The following EFCAB11 variants were observed in gnomAD, a reference collection of about 807,000 sequenced individuals.
The protein encoded by EFCAB11 is EF-hand calcium binding domain 11.
Under a neutral mutation model 23.0 loss-of-function variants are expected in EFCAB11, and 14 were observed. That is an observed-to-expected ratio of 0.61 (90% confidence interval 0.40 to 0.95). The LOEUF is 0.95. EFCAB11 is among the 40% of genes least tolerant of loss of function. The pLI, the probability that EFCAB11 is intolerant of heterozygous loss-of-function variation, is 0.00. For missense variants in EFCAB11, 198 were observed against 195.8 expected (o/e 1.01, Z -0.07); for synonymous variants, 65 against 66.6 (o/e 0.98, Z 0.11).
chr14:89,900,653 G>A (rs534974981), intron 5 of EFCAB11, among the ~76,000 whole-genome samples: 1 of 152,270 alleles, frequency 6.6e-6, no homozygotes, highest in East Asian at 1.9e-4. Flanking sequence ...ATGTGGTACT[G>A]ACTTCTACAA....
intron 2 of EFCAB11, 106 bp from the exon 3 acceptor site, chr14:89,950,248 A>G (rs1891121983): frequency 8.2e-7 from 1 of 1,226,990 alleles, no homozygotes; most frequent in East Asian, 2.8e-5. Context: ...TGAGAAACCA[A>G]GTCTGTTGAA....
chr14:89,897,370 A>G (rs1459582262), intron 5 of EFCAB11, among the ~76,000 whole-genome samples: 1 of 151,912 alleles, frequency 6.6e-6, no homozygotes, highest in Non-Finnish European at 1.5e-5. Context: ...ACCAAGCCCA[A>G]CTAATTTTTT....
intron 5 of EFCAB11, among the ~76,000 whole-genome samples, chr14:89,801,044 A>G: frequency 1.1e-5 from 1 of 91,836 alleles, no homozygotes; most frequent in Admixed American, 1.1e-4. Context: ...CAAAAAAGAA[A>G]AAAAAAAAAA....
chr14:89,872,667 C>T (rs964437090), intron 5 of EFCAB11, among the ~76,000 whole-genome samples: 1 of 152,062 alleles, frequency 6.6e-6, no homozygotes. Context: ...CTCCCAGCAC[C>T]CTAGAATGTG....
At position 89,797,089 on chromosome 14, in the gene EFCAB11, A is replaced by G. The variant is rs1265576107; in HGVS notation, c.*154T>C. 3 of 519,530 alleles carry G rather than the reference A, an allele frequency of 5.8e-6. No individual in the cohort carries two copies. Among genetic ancestry groups the G allele is most frequent in the Non-Finnish European group, 1.0e-5 (3 of 293,960 alleles). The allele number at this position is 519,530 out of a possible 1,614,324, so 32.2% of individuals were successfully genotyped here. ...TCCCGTAACCCATATATGTGTGTGT[A>G]TGTATACATATGCACCTACTATGTA... On this transcript the variant is annotated 3_prime_UTR_variant, in exon 6 of 6. Coordinates refer to ENST00000316738, the MANE Select transcript of EFCAB11 (RefSeq NM_145231.4).
chr14:89,906,897 T>C (rs1324407319), intron 5 of EFCAB11, among the ~76,000 whole-genome samples: 1 of 152,212 alleles, frequency 6.6e-6, no homozygotes, highest in East Asian at 1.9e-4. Context: ...ATGAAATTAA[T>C]GAAACCAAAT....
At chr14:89,856,970 T>A (rs1887773265) in intron 5 of EFCAB11, among the ~76,000 whole-genome samples, 1 of 152,318 alleles carries the variant, frequency 6.6e-6, no homozygotes, top group Admixed American at 6.5e-5. Flanking sequence ...GCCTCCTAAG[T>A]AATTTCTCCT....
At position 89,932,302 on chromosome 14, in the gene EFCAB11, A is replaced by G. The variant is rs546672427; in HGVS notation, c.319+224T>C. On this transcript the variant is annotated intron_variant, in intron 4 of 5. Transcript: ENST00000316738. The stretch of plus-strand genomic sequence containing the variant: ...GTCCCCATGACAATCAAGGTACAAT[A>G]TATTAGTACAACTATATAACTGTAA... 2.0e-5 allele frequency among the ~76,000 whole-genome samples: 3 copies of G among 152,308 alleles called. No homozygotes were observed. In the East Asian group the frequency reaches 5.8e-4, roughly 29 times the overall value.
intron 5 of EFCAB11, among the ~76,000 whole-genome samples, chr14:89,840,877 G>C (rs867581451): frequency 1.3e-5 from 2 of 152,168 alleles, no homozygotes; most frequent in Non-Finnish European, 2.9e-5. Context: ...ATAAATTTTA[G>C]GTTGTGATAA....
chr14:89,945,830 C>A (rs1890958798), intron 3 of EFCAB11, among the ~76,000 whole-genome samples: 1 of 151,978 alleles, frequency 6.6e-6, no homozygotes, highest in African/African-American at 2.4e-5. Flanking sequence ...CAACCTCCTA[C>A]CATCATTATG....
rs376064841 is a variant in EFCAB11 at position 89,860,761 on chromosome 14, G to C, written c.411-63437C>G. Reference sequence around the variant, plus strand: ...AATGGTTTGTAAAAATAATGTTTCTGGGTTACAGTGTGAAAACAGGTACAT... The same window carrying C: ...AATGGTTTGTAAAAATAATGTTTCTCGGTTACAGTGTGAAAACAGGTACAT... On this transcript the variant is annotated intron_variant, in intron 5 of 5. Transcript: ENST00000316738. 2.6e-5 allele frequency among the ~76,000 whole-genome samples: 4 copies of C among 152,136 alleles called. No individual in the cohort carries two copies. In the East Asian group the frequency reaches 5.8e-4, roughly 22 times the overall value.
chr14:89,832,054 T>G (rs1886904104), intron 5 of EFCAB11, among the ~76,000 whole-genome samples: 1 of 152,060 alleles, frequency 6.6e-6, no homozygotes, highest in Non-Finnish European at 1.5e-5. Flanking sequence ...GGCTCACACC[T>G]GTAATCCCAG....
intron 5 of EFCAB11, among the ~76,000 whole-genome samples, chr14:89,911,352 T>C (rs1889669294): frequency 1.3e-5 from 2 of 152,180 alleles, no homozygotes. Flanking sequence ...GAAGGAATGC[T>C]GCAGGCACTG....
chr14:89,829,836 A>G (rs1258243356), intron 5 of EFCAB11: 2 of 152,236 alleles, frequency 1.3e-5, no homozygotes, highest in Admixed American at 6.5e-5. Flanking sequence ...TTTATTTTCC[A>G]TCAAAAGAAG....
chr14:89,943,858 C>T (rs1890877804), intron 3 of EFCAB11, among the ~76,000 whole-genome samples: 1 of 152,152 alleles, frequency 6.6e-6, no homozygotes, highest in Non-Finnish European at 1.5e-5. Context: ...TACATACACA[C>T]TCACACTAGA....
chr14:89,864,931 C>T (rs781207555), intron 5 of EFCAB11, among the ~76,000 whole-genome samples: 4 of 152,166 alleles, frequency 2.6e-5, no homozygotes, highest in Admixed American at 6.5e-5. Context: ...AGCAGGATGC[C>T]CTCAGTGACT....
At chr14:89,903,704 TAAAAC>T (rs1322419649) in intron 5 of EFCAB11, among the ~76,000 whole-genome samples, 1 of 152,282 alleles carries the variant, frequency 6.6e-6, no homozygotes, top group East Asian at 1.9e-4. Flanking sequence ...CTACAAGAGA[TAAAAC>T]AGAACTATGG....
intron 5 of EFCAB11, among the ~76,000 whole-genome samples, chr14:89,873,273 C>T (rs1451904813): frequency 6.6e-6 from 1 of 152,104 alleles, no homozygotes; most frequent in Non-Finnish European, 1.5e-5. Context: ...TATTCACTAT[C>T]ACAAGAACAA....
At chr14:89,814,431 G>T (rs1184764573) in intron 5 of EFCAB11, among the ~76,000 whole-genome samples, 1 of 152,154 alleles carries the variant, frequency 6.6e-6, no homozygotes, top group Non-Finnish European at 1.5e-5. Flanking sequence ...CAGGCCGGGA[G>T]CAGTGGCTCA....
Sources: allele counts gnomAD v4.1 joint callset (sites outside exome capture counted in the v4.1 genomes callset), GRCh38; gene constraint gnomAD v4.1.1; transcripts MANE v1.5; gene names NCBI Gene and HGNC (gene_info 2026-07-23, HGNC 2026-07-21).